The following CWC27 variants were observed in gnomAD, a reference collection of about 807,000 sequenced individuals.
CWC27 encodes spliceosome-associated protein CWC27 homolog.
In CWC27, 47 loss-of-function variants were observed where a neutral mutation model predicts 63.6. That is an observed-to-expected ratio of 0.74 (90% confidence interval 0.58 to 0.94). CWC27 has a LOEUF of 0.94. Among genes scored for constraint, CWC27 ranks in the 40% least tolerant of loss-of-function variants. The pLI is 0.00. For missense variants in CWC27, 495 were observed against 554.3 expected (o/e 0.89, Z 1.07); for synonymous variants, 175 against 179.8 (o/e 0.97, Z 0.22).
chr5:64,967,212 C>G (rs760327413), intron 11 of CWC27, among the ~76,000 whole-genome samples: 14 of 151,876 alleles, frequency 9.2e-5, no homozygotes, highest in Non-Finnish European at 1.9e-4. Flanking sequence ...AGTAAATAGC[C>G]ACTCCTCACT....
chr5:64,988,827 C>T (rs970823430), intron 13 of CWC27, among the ~76,000 whole-genome samples: 1 of 152,100 alleles, frequency 6.6e-6, no homozygotes, highest in African/African-American at 2.4e-5. Flanking sequence ...TGGTCTCGAA[C>T]TCCGTACCTC....
intron 9 of CWC27, among the ~76,000 whole-genome samples, chr5:64,803,254 T>C (rs1744547551): frequency 6.6e-6 from 1 of 152,088 alleles, no homozygotes; most frequent in South Asian, 2.1e-4. Flanking sequence ...AAAGAAAGAA[T>C]CACAAAAGAA....
intron 11 of CWC27, among the ~76,000 whole-genome samples, chr5:64,943,364 T>C (rs1748528287): frequency 6.6e-6 from 1 of 152,248 alleles, no homozygotes; most frequent in African/African-American, 2.4e-5. Flanking sequence ...AATGGCATGC[T>C]GCTTTTTATA....
chr5:64,932,800 G>A (rs1391151860), intron 11 of CWC27, among the ~76,000 whole-genome samples: 1 of 152,040 alleles, frequency 6.6e-6, no homozygotes, highest in African/African-American at 2.4e-5. Flanking sequence ...TCTCTCATCT[G>A]TCCTATTCTA....
chr5:64,827,875 G>T (rs541493273), intron 10 of CWC27, among the ~76,000 whole-genome samples: 2 of 152,104 alleles, frequency 1.3e-5, no homozygotes, highest in Non-Finnish European at 2.9e-5. Context: ...TGAGTAGTGT[G>T]ATGAAATCTT....
chr5:64,999,407 C>T (rs922874819), intron 13 of CWC27, among the ~76,000 whole-genome samples: 4 of 152,034 alleles, frequency 2.6e-5, no homozygotes, highest in African/African-American at 9.7e-5. Flanking sequence ...TAACCATAGT[C>T]ACCCTACTGT....
chr5:64,808,168 C>T, intron 10 of CWC27: 3 of 1,014,572 alleles, frequency 3.0e-6, no homozygotes, highest in Non-Finnish European at 3.5e-6. Context: ...CTGTCCTACA[C>T]ATTTTTAATT....
intron 11 of CWC27, among the ~76,000 whole-genome samples, chr5:64,912,914 A>T (rs1747819918): frequency 6.6e-6 from 1 of 152,208 alleles, no homozygotes; most frequent in East Asian, 1.9e-4. Flanking sequence ...GCAATTTGTT[A>T]TTCGGTTTAT....
At position 64,781,984 on chromosome 5, in the gene CWC27, C is replaced by T. The variant is rs1743710379; in HGVS notation, c.203C>T (p.Pro68Leu). 1.9e-6 allele frequency: 3 copies of T among 1,603,972 alleles called. No homozygotes were observed. Among genetic ancestry groups the T allele is most frequent in the East Asian group, 2.2e-5 (1 of 44,632 alleles). ...VPGFIVQGGD[P>L]TGTGSGGESI... ...GGTTTCATAGTCCAAGGCGGAGATC[C>T]TACTGGCACAGGGAGTGGTGGAGAG... The change falls in exon 3 of 14, where the codon CCT becomes CTT. Residue 68 changes from proline to leucine, a missense_variant. Physicochemically the swap from Pro to Leu is moderately conservative, Grantham distance 98. Transcript: ENST00000381070.
chr5:64,920,453 C>CT (rs2112389641), intron 11 of CWC27, among the ~76,000 whole-genome samples: 1 of 152,212 alleles, frequency 6.6e-6, no homozygotes, highest in South Asian at 2.1e-4. Flanking sequence ...TGTGTCTCTG[C>CT]TAGGCTTTGG....
At chr5:64,912,910 T>C (rs538543745) in intron 11 of CWC27, among the ~76,000 whole-genome samples, 77 of 152,286 alleles carry the variant, frequency 5.1e-4, no homozygotes, top group Non-Finnish European at 9.7e-4. Context: ...AAGAGCAATT[T>C]GTTATTCGGT....
intron 13 of CWC27, among the ~76,000 whole-genome samples, chr5:65,016,520 A>G (rs2112477951): frequency 6.6e-6 from 1 of 152,242 alleles, no homozygotes; most frequent in South Asian, 2.1e-4. Flanking sequence ...AATGTGACTT[A>G]TTCAGTAAAT....
At chr5:64,920,197 G>T (rs1747970869) in intron 11 of CWC27, among the ~76,000 whole-genome samples, 1 of 152,062 alleles carries the variant, frequency 6.6e-6, no homozygotes, top group Admixed American at 6.6e-5. Flanking sequence ...TCAAACTCCT[G>T]ACCTCAGGTA....
chr5:64,833,342 A>AT (rs1490384546), intron 10 of CWC27, among the ~76,000 whole-genome samples: 5 of 151,798 alleles, frequency 3.3e-5, no homozygotes, highest in Non-Finnish European at 7.4e-5. Context: ...TGTTTATACT[A>AT]TTTTAGGTTG....
At chr5:65,014,324 A>G (rs1218871844) in intron 13 of CWC27, among the ~76,000 whole-genome samples, 1 of 148,034 alleles carries the variant, frequency 6.8e-6, no homozygotes, top group Non-Finnish European at 1.5e-5. Flanking sequence ...TATATATACT[A>G]TATACCATAT....
At chr5:64,852,199 C>T (rs1272857779) in intron 10 of CWC27, among the ~76,000 whole-genome samples, 1 of 152,082 alleles carries the variant, frequency 6.6e-6, no homozygotes, top group Non-Finnish European at 1.5e-5. Context: ...ACTAATGCCT[C>T]GTATTTGGTC....
chr5:64,883,876 G>C (rs1285538104), intron 10 of CWC27, among the ~76,000 whole-genome samples: 1 of 152,148 alleles, frequency 6.6e-6, no homozygotes, highest in Non-Finnish European at 1.5e-5. Flanking sequence ...AGGTGGGAGT[G>C]TTTGAAATTG....
intron 13 of CWC27, among the ~76,000 whole-genome samples, chr5:64,984,282 T>G (rs1293526845): frequency 6.6e-6 from 1 of 152,212 alleles, no homozygotes; most frequent in Non-Finnish European, 1.5e-5. Flanking sequence ...TGAGGCACAG[T>G]GAAGTTAAAT....
At chr5:64,903,744 C>T (rs1235610294) in intron 11 of CWC27, among the ~76,000 whole-genome samples, 1 of 151,866 alleles carries the variant, frequency 6.6e-6, no homozygotes, top group Admixed American at 6.6e-5. Context: ...GGAGTTTAGA[C>T]CTATAGAAAA....
Sources: gnomAD v4.1 joint callset for allele counts (sites outside exome capture counted in the v4.1 genomes callset) on GRCh38, gnomAD v4.1.1 for gene constraint, MANE v1.5 for transcripts, NCBI Gene and HGNC (gene_info 2026-07-23, HGNC 2026-07-21) for gene names.